REEP5: variants seen among roughly 807,000 people sequenced by gnomAD.
The protein encoded by REEP5 is receptor expression-enhancing protein 5.
In REEP5, 24 loss-of-function variants were observed where a neutral mutation model predicts 22.4. The ratio of observed to expected loss-of-function variants is 1.07; its 90% CI spans 0.78 to 1.51. The LOEUF is 1.51. Among genes scored for constraint, REEP5 ranks in the 40% most tolerant of loss-of-function variants. The pLI is 0.00. For synonymous variants in REEP5, 103 were observed against 88.6 expected (o/e 1.16, Z -0.92); for missense variants, 252 against 233.0 (o/e 1.08, Z -0.53).
Position 112,878,008 on chromosome 5 carries a change from TGTGTGTG to T in REEP5, c.*771_*777del, listed in dbSNP as rs1767950731. On this transcript the variant is annotated 3_prime_UTR_variant, in exon 5 of 5. Transcript: ENST00000379638. ...GTGTGTGTGTGTGTGTGTGTGTGTG[TGTGTGTG>T]TGTGTGTAAATTTCCCGATTTATCA... The T allele has an allele frequency of 6.8e-6, 1 of 148,056 alleles. No individual in the cohort carries two copies. The highest frequency in any genetic ancestry group is 2.2e-4 in the South Asian group (1 of 4,488). The allele number at this position is 148,056 out of a possible 1,614,324, so 9.2% of individuals were successfully genotyped here. A position where few individuals can be genotyped will look rare whatever the true frequency, so the allele number is the denominator to read the frequency against.
intron 2 of REEP5, among the ~76,000 whole-genome samples, chr5:112,917,663 TACTC>T (rs1409833999): frequency 2.6e-5 from 4 of 152,106 alleles, no homozygotes; most frequent in Non-Finnish European, 4.4e-5. Context: ...CAGGAGGACT[TACTC>T]ACATATGAGG....
chr5:112,905,214 T>C lies in REEP5; in HGVS notation c.213-2696A>G, dbSNP rs540862215. Among the ~76,000 whole-genome samples, 8 of 152,180 alleles carry C rather than the reference T, an allele frequency of 5.3e-5. No homozygotes were observed. In the South Asian group the frequency reaches 1.7e-3, roughly 32 times the overall value. ...AGGTTCAAAAAAGTGAAGTGCCCCA[T>C]GTAGTCATGGTGAGAGAAGAAAAAA... is the stretch of plus-strand genomic sequence containing the variant. On this transcript the variant is annotated intron_variant, in intron 2 of 4. Transcript: ENST00000379638.
chr5:112,898,489 T>C (rs904902907), intron 3 of REEP5: 1 of 152,224 alleles, frequency 6.6e-6, no homozygotes, highest in African/African-American at 2.4e-5. Flanking sequence ...AATGATTCAG[T>C]GACTACCATT....
intron 2 of REEP5, among the ~76,000 whole-genome samples, chr5:112,912,101 A>C (rs1374907779): frequency 6.6e-6 from 1 of 152,162 alleles, no homozygotes; most frequent in Non-Finnish European, 1.5e-5. Flanking sequence ...TAAACGTTTG[A>C]CATATATTAT....
chr5:112,900,733 A>G (rs1199906788), intron 3 of REEP5, among the ~76,000 whole-genome samples: 1 of 152,156 alleles, frequency 6.6e-6, no homozygotes, highest in African/African-American at 2.4e-5. Context: ...TACTAGTACT[A>G]GCATGGACTG....
At chr5:112,905,618 A>AGATTGATT (rs143762090) in intron 2 of REEP5, among the ~76,000 whole-genome samples, 2,021 of 148,374 alleles carry the variant, frequency 0.014, 17 homozygotes, top group Middle Eastern at 0.038. Flanking sequence ...CTTTTTAAAA[A>AGATTGATT]GATTGATTGA....
rs1024598154 is a variant in REEP5, at chr5:112,878,591, A to C, written c.*195T>G. 34 of 754,360 alleles carry C rather than the reference A, an allele frequency of 4.5e-5. No individual in the cohort carries two copies. The East Asian group carries it at 5.4e-4, about 12-fold the overall frequency. 46.7% of individuals were successfully genotyped at this position (754,360 alleles called of 1,614,324 possible). On this transcript the variant is annotated 3_prime_UTR_variant, in exon 5 of 5. Transcript: ENST00000379638. ...CAAAAACGTGGACACTGCCCACTGC[A>C]TTAAGTTTAAAGTGCTCCCTATATA...
At chr5:112,920,483 T>TA (rs967958296) in intron 2 of REEP5, among the ~76,000 whole-genome samples, 8 of 151,938 alleles carry the variant, frequency 5.3e-5, no homozygotes, top group African/African-American at 9.7e-5. Context: ...ATCGTAGAAT[T>TA]AAAAAAAATA....
chr5:112,892,832 G>C (rs1191148184), intron 3 of REEP5: 1 of 1,613,592 alleles, frequency 6.2e-7, no homozygotes, highest in Admixed American at 1.7e-5. Context: ...AAAAGAAATG[G>C]GGAATCCGAG....
Position 112,887,175 on chromosome 5 carries a change from G to A in REEP5, c.360C>T (p.Phe120=). ...FPFYYMLKCG[F]LLWCMAPSPS... is the part of the protein sequence containing the mutation. The stretch of plus-strand genomic sequence containing the variant: ...GGCTCGGGGCCATGCACCACAACAG[G>A]AAGCCACACTGCACAGAAAAAGAGC... The change falls in exon 4 of 5, where the codon TTC becomes TTT. Residue 120 remains phenylalanine, a synonymous_variant. Transcript: ENST00000379638. 6.3e-7 allele frequency: 1 copy of A among 1,596,842 alleles called. No homozygotes were observed. Among genetic ancestry groups the A allele is most frequent in the Non-Finnish European group, 8.6e-7 (1 of 1,168,614 alleles).
chr5:112,910,547 C>G (rs7735121), intron 2 of REEP5, among the ~76,000 whole-genome samples: 7,955 of 152,218 alleles, frequency 0.052, 517 homozygotes, highest in East Asian at 0.16. Flanking sequence ...TACCATCATG[C>G]CATTTTGGTT....
At chr5:112,899,062 C>T (rs1768779168) in intron 3 of REEP5, among the ~76,000 whole-genome samples, 1 of 152,026 alleles carries the variant, frequency 6.6e-6, no homozygotes, top group Non-Finnish European at 1.5e-5. Flanking sequence ...TGGTGTGATA[C>T]TGTATTTAAT....
chr5:112,909,584 T>C (rs962031504), intron 2 of REEP5, among the ~76,000 whole-genome samples: 2 of 152,172 alleles, frequency 1.3e-5, no homozygotes, highest in Middle Eastern at 3.4e-3. Context: ...GGGAAGAAAT[T>C]TGAACATTGC....
chr5:112,905,917 C>T (rs1768947566), intron 2 of REEP5, among the ~76,000 whole-genome samples: 1 of 152,126 alleles, frequency 6.6e-6, no homozygotes, highest in Admixed American at 6.6e-5. Context: ...GCCACCATGC[C>T]CAGGATACTT....
rs1261671289 is a variant in REEP5, at chr5:112,881,138, A to AG, written c.521-2304_521-2303insC. 3.0e-4 allele frequency among the ~76,000 whole-genome samples: 46 copies of AG among 151,350 alleles called. 1 individual carries two copies. The South Asian group carries it at 9.6e-3, about 32-fold the overall frequency. On this transcript the variant is annotated intron_variant, in intron 4 of 4. Coordinates refer to ENST00000379638, the MANE Select transcript of REEP5 (RefSeq NM_005669.5). ...AGTGAGACTCTGTTTCAAAAAAAAA[A>AG]AAAAAAAAAAAAAGCTGGCAATCCT...
chr5:112,878,811 A>G lies in REEP5; in HGVS notation c.545T>C (p.Leu182Pro), dbSNP rs1767974645. Residue 182 changes from leucine (L) to proline (P), a missense_variant, in exon 5 of 5, where the codon CTG (leucine) becomes CCG (proline). By Grantham distance (98) the Leu-to-Pro change is moderately conservative. Transcript: ENST00000379638. ...TTAGGTGCTCTTCTTTTCTTCACCC[A>G]GTAAATTCACGGTAGCTTTCTTCGC... ...KEAKKATVNL[L>P]GEEKKST is the part of the protein sequence containing the mutation. 6.2e-7 allele frequency: 1 copy of G among 1,614,194 alleles called. No individual in the cohort carries two copies. The highest frequency in any genetic ancestry group is 1.1e-5 in the South Asian group (1 of 91,086).
intron 3 of REEP5, chr5:112,894,124 GTTTTTTT>G (rs199564515): frequency 7.1e-6 from 1 of 141,750 alleles, no homozygotes; most frequent in African/African-American, 2.6e-5. Context: ...GGTTTTTTTT[GTTTTTTT>G]TTTTTTTTTG....
At chr5:112,892,057 G>C (rs751536325) in intron 3 of REEP5, 1 of 1,535,192 alleles carries the variant, frequency 6.5e-7, no homozygotes, top group Non-Finnish European at 9.0e-7. Context: ...AAAAGAGGAA[G>C]CTGTGCAGAA....
At chr5:112,910,167 G>A (rs1769062642) in intron 2 of REEP5, among the ~76,000 whole-genome samples, 1 of 152,180 alleles carries the variant, frequency 6.6e-6, no homozygotes, top group African/African-American at 2.4e-5. Flanking sequence ...GCCAGGCATA[G>A]TGGTGTGCAC....
Sources: allele counts gnomAD v4.1 joint callset (sites outside exome capture counted in the v4.1 genomes callset), GRCh38; gene constraint gnomAD v4.1.1; transcripts MANE v1.5; gene names NCBI Gene and HGNC (gene_info 2026-07-23, HGNC 2026-07-21).